The following CAST variants were observed in gnomAD, a reference collection of about 807,000 sequenced individuals.
CAST encodes MIR583 host.
In CAST, 76 loss-of-function variants were observed where a neutral mutation model predicts 119.6. That is an observed-to-expected ratio of 0.64 (90% confidence interval 0.53 to 0.77). The LOEUF (loss-of-function observed/expected upper bound fraction) is 0.77. CAST is among the 30% of genes least tolerant of loss of function. The pLI is 0.00. For synonymous variants in CAST, 319 were observed against 331.6 expected (o/e 0.96, Z 0.41); for missense variants, 953 against 946.5 (o/e 1.01, Z -0.09).
chr5:96,130,021 C>CTTTTTT, the CAST span, among the ~76,000 whole-genome samples: 54 of 129,472 alleles, frequency 4.2e-4, no homozygotes, highest in African/African-American at 1.3e-3. Context: ...AACACACACA[C>CTTTTTT]TTTTTTTTTT....
the CAST span, among the ~76,000 whole-genome samples, chr5:96,401,240 A>G: frequency 2.0e-5 from 3 of 152,194 alleles, no homozygotes; most frequent in African/African-American, 7.2e-5. Flanking sequence ...AAGATCTAGG[A>G]AAACTTTGTG....
the CAST span, among the ~76,000 whole-genome samples, chr5:96,082,064 C>A: frequency 4.7e-4 from 71 of 152,268 alleles, no homozygotes; most frequent in African/African-American, 1.7e-3. Context: ...CAGGCGCACG[C>A]TACCACACCT....
intron 6 of CAST, chr5:96,728,691 A>G (rs1474364683): frequency 6.5e-6 from 1 of 153,490 alleles, no homozygotes. Context: ...GTTAGCCAGG[A>G]TGGTCTTGAT....
At chr5:96,291,248 T>C in the CAST span, among the ~76,000 whole-genome samples, 1 of 152,206 alleles carries the variant, frequency 6.6e-6, no homozygotes, top group Admixed American at 6.5e-5. Context: ...TAAACAATTA[T>C]TATAATTTAA....
At chr5:96,064,473 G>A in the CAST span, among the ~76,000 whole-genome samples, 1 of 151,936 alleles carries the variant, frequency 6.6e-6, no homozygotes, top group African/African-American at 2.4e-5. Flanking sequence ...GCAAAAGTAT[G>A]TAATTGCAGC....
intron 3 of CAST, chr5:96,702,953 C>T (rs181093430): frequency 0.012 from 11,999 of 985,476 alleles, 80 homozygotes; most frequent in Non-Finnish European, 0.014. Context: ...CCAGGCCGCG[C>T]GTGCTCCCGG....
At chr5:96,684,055 G>A (rs2067002017) in intron 2 of CAST, among the ~76,000 whole-genome samples, 1 of 152,198 alleles carries the variant, frequency 6.6e-6, no homozygotes. Context: ...TACATTCTGA[G>A]TGTAGGGTTT....
chr5:96,561,796 G>GTTTTTGTTTTTT (rs1746370693), intron 1 of CAST, among the ~76,000 whole-genome samples: 21 of 97,420 alleles, frequency 2.2e-4, no homozygotes, highest in African/African-American at 8.1e-4. Context: ...GTTTTTTTTT[G>GTTTTTGTTTTTT]TTTTTTTTTT....
intron 9 of CAST, 145 bp from the exon 10 acceptor site, chr5:96,736,027 A>AAC: frequency 1.7e-6 from 1 of 585,636 alleles, no homozygotes; most frequent in Non-Finnish European, 3.0e-6. Flanking sequence ...AAGGATATAA[A>AAC]ACACACAGCA....
At chr5:96,073,947 C>T in the CAST span, among the ~76,000 whole-genome samples, 1 of 152,158 alleles carries the variant, frequency 6.6e-6, no homozygotes, top group Non-Finnish European at 1.5e-5. Context: ...CTCCCATCAT[C>T]CTCCCACCCC....
intron 1 of CAST, among the ~76,000 whole-genome samples, chr5:96,573,281 C>A (rs565320678): frequency 6.6e-6 from 1 of 150,804 alleles, no homozygotes; most frequent in East Asian, 1.9e-4. Context: ...GTAATTTTTT[C>A]TTGTTTTTTT....
At chr5:96,374,310 A>G in the CAST span, among the ~76,000 whole-genome samples, 2 of 152,344 alleles carry the variant, frequency 1.3e-5, no homozygotes, top group South Asian at 2.1e-4. Context: ...TTAGGACCAC[A>G]TAATAGAGGG....
the CAST span, among the ~76,000 whole-genome samples, chr5:96,277,715 A>G: frequency 6.6e-6 from 1 of 152,138 alleles, no homozygotes; most frequent in African/African-American, 2.4e-5. Context: ...CTAAAAATAT[A>G]GTCTCAAAAT....
At chr5:96,084,472 T>C in the CAST span, among the ~76,000 whole-genome samples, 1 of 152,264 alleles carries the variant, frequency 6.6e-6, no homozygotes, top group South Asian at 2.1e-4. Flanking sequence ...CCAGAGTTAC[T>C]CCTTCTTGTT....
chr5:96,322,270 C>G, the CAST span, among the ~76,000 whole-genome samples: 1 of 152,088 alleles, frequency 6.6e-6, no homozygotes, highest in South Asian at 2.1e-4. Flanking sequence ...CTTGGTTGGC[C>G]CTGAGGGTGC....
the CAST span, among the ~76,000 whole-genome samples, chr5:96,100,174 A>C: frequency 6.6e-6 from 1 of 152,132 alleles, no homozygotes; most frequent in Non-Finnish European, 1.5e-5. Flanking sequence ...CTGCAGGTTT[A>C]GCCTCTTTCT....
the CAST span, among the ~76,000 whole-genome samples, chr5:96,233,981 T>C: frequency 5.6e-4 from 85 of 152,296 alleles, no homozygotes; most frequent in African/African-American, 2.0e-3. Context: ...TGAGAGTTTT[T>C]GATATTAAGT....
the CAST span, among the ~76,000 whole-genome samples, chr5:96,130,784 C>A: frequency 6.6e-6 from 1 of 151,932 alleles, no homozygotes; most frequent in Non-Finnish European, 1.5e-5. Context: ...AACCAACAAA[C>A]CAAAAGAAGA....
the CAST span, among the ~76,000 whole-genome samples, chr5:96,351,164 G>A: frequency 2.0e-5 from 3 of 152,000 alleles, no homozygotes; most frequent in Admixed American, 6.6e-5. Flanking sequence ...CTATTACTAG[G>A]GATTTTGATA....
Sources: allele counts gnomAD v4.1 joint callset (sites outside exome capture counted in the v4.1 genomes callset), GRCh38; gene constraint gnomAD v4.1.1; transcripts MANE v1.5; gene names NCBI Gene and HGNC (gene_info 2026-07-23, HGNC 2026-07-21).